The following TJAP1 variants were observed in gnomAD, a reference collection of about 807,000 sequenced individuals.
The protein encoded by TJAP1 is tight junction associated protein 1.
A neutral mutation model predicts 42.0 loss-of-function variants in TJAP1; 27 were observed. The observed-to-expected ratio is 0.64, with a 90% CI of 0.47 to 0.89. The LOEUF (loss-of-function observed/expected upper bound fraction) is 0.89. Among genes scored for constraint, TJAP1 ranks in the 40% least tolerant of loss-of-function variants. TJAP1 has a pLI of 0.00. For synonymous variants in TJAP1, 257 were observed against 288.4 expected (o/e 0.89, Z 1.10); for missense variants, 712 against 726.9 (o/e 0.98, Z 0.24).
intron 5 of TJAP1, 57 bp from the exon 6 acceptor site, chr6:43,501,469 G>C (rs1790501304): frequency 6.6e-7 from 1 of 1,523,998 alleles, no homozygotes; most frequent in African/African-American, 1.4e-5. Flanking sequence ...GGAGCTCCAG[G>C]GCATGCCCTT....
intron 2 of TJAP1, among the ~76,000 whole-genome samples, chr6:43,486,478 C>T (rs1786563955): frequency 6.6e-6 from 1 of 151,706 alleles, no homozygotes; most frequent in African/African-American, 2.4e-5. Context: ...GTCCCAGCCT[C>T]CCGAGTAGCT....
chr6:43,501,378 TAGACTCAGACTA>T, intron 5 of TJAP1, 136 bp from the exon 6 acceptor site: 1 of 714,024 alleles, frequency 1.4e-6, no homozygotes. Context: ...TATGCTGCCT[TAGACTCAGACTA>T]AGACTCCAGG....
At chr6:43,501,739 C>T in intron 6 of TJAP1, 52 bp downstream of exon 6, 1 of 696,246 alleles carries the variant, frequency 1.4e-6, no homozygotes, top group Non-Finnish European at 2.6e-6. Flanking sequence ...CACACACACA[C>T]ACACACACAC....
At chr6:43,479,585 A>C (rs1316635863) in intron 2 of TJAP1, among the ~76,000 whole-genome samples, 1 of 152,078 alleles carries the variant, frequency 6.6e-6, no homozygotes, top group Admixed American at 6.5e-5. Context: ...TGAGGCCAGG[A>C]GTTTGAGGCT....
chr6:43,505,394 A>G lies in TJAP1; in HGVS notation c.1213A>G (p.Ser405Gly). ...ACTCAGTGCCCCAGCTAGCTCTGCC[A>G]GCTCTGAAGAGGACCTGCTGGTCAG... is the stretch of plus-strand genomic sequence containing the variant. The change falls in exon 11 of 11, where the codon AGC (serine) becomes GGC (glycine). Residue 405 changes from serine to glycine, a missense_variant. Around this residue, in one of 3 missense-constraint regions of TJAP1, gnomAD observed 549 missense variants for 528.2 expected, o/e 1.04. Coordinates refer to ENST00000372449, the Ensembl canonical transcript of TJAP1. This position sits in a 1 kb window ranked among gnomAD's most constrained non-coding sequence, Gnocchi z 5.5. 6.2e-7 allele frequency: 1 copy of G among 1,611,766 alleles called. No homozygotes were observed. The highest frequency in any genetic ancestry group is 8.5e-7 in the Non-Finnish European group (1 of 1,179,944).
At chr6:43,502,382 C>T (rs199510169) in intron 7 of TJAP1, 33 bp downstream of exon 7, 4 of 1,609,198 alleles carry the variant, frequency 2.5e-6, no homozygotes, top group African/African-American at 1.3e-5. Flanking sequence ...TTGGTGGGCA[C>T]TGTGCTCATA....
chr6:43,485,243 C>G (rs1046390169), intron 2 of TJAP1, among the ~76,000 whole-genome samples: 5 of 152,222 alleles, frequency 3.3e-5, no homozygotes, highest in African/African-American at 7.2e-5. Flanking sequence ...GGAACACATC[C>G]AGGCATTGAG....
chr6:43,485,108 G>C (rs1176280726), intron 2 of TJAP1, among the ~76,000 whole-genome samples: 1 of 152,226 alleles, frequency 6.6e-6, no homozygotes, highest in Non-Finnish European at 1.5e-5. Flanking sequence ...GTTGGTGGTG[G>C]TGGATTCGTA....
At chr6:43,501,713 C>G (rs758689625) in intron 6 of TJAP1, 26 bp downstream of exon 6, 6 of 131,366 alleles carry the variant, frequency 4.6e-5, no homozygotes, top group African/African-American at 3.0e-4. Flanking sequence ...GCCAGACACA[C>G]ACACACACAC....
chr6:43,503,763 T>C, intron 10 of TJAP1, 57 bp downstream of exon 10: 2 of 1,453,792 alleles, frequency 1.4e-6, no homozygotes, highest in South Asian at 2.3e-5. Context: ...ACTGTAGGAC[T>C]CCTCTAACTC....
chr6:43,505,067 A>T lies in TJAP1; in HGVS notation c.886A>T (p.Thr296Ser), dbSNP rs1394549712. ...CAATGGGGAGTGCCACTCTCTGGGT[A>T]CTGCCAGGGGCTCCCCGGAGGAAGA... The change falls in exon 11 of 11, where the codon ACT becomes TCT. Residue 296 changes from threonine (T) to serine (S), a missense_variant. This residue lies in a region of TJAP1 where 549 missense variants were observed against 528.2 expected (regional missense o/e 1.04). Coordinates refer to ENST00000372449, the Ensembl canonical transcript of TJAP1. The surrounding 1 kb of genome is among the most constrained non-coding windows in gnomAD (Gnocchi z 5.5). 1 of 1,614,060 alleles carries T rather than the reference A, an allele frequency of 6.2e-7. No homozygotes were observed. The highest frequency in any genetic ancestry group is 1.7e-5 in the Admixed American group (1 of 60,022).
In TJAP1 at chr6:43,491,878, AC is replaced by A. The variant is rs1470033484; in HGVS notation, c.-121-5999del. Among the ~76,000 whole-genome samples the A allele has an allele frequency of 6.6e-6, 1 of 152,140 alleles. No homozygotes were observed. The highest frequency in any genetic ancestry group is 6.5e-5 in the Admixed American group (1 of 15,276). ...AGCAGTAATGCAGAGATGTTTAGGG[AC>A]CCCAAATGGGGAGTTAACAAGCTGG... On this transcript the variant is annotated intron_variant, in intron 2 of 10. Coordinates refer to ENST00000372449, the Ensembl canonical transcript of TJAP1. The surrounding 1 kb of genome is among the most constrained non-coding windows in gnomAD (Gnocchi z 4.6).
At chr6:43,503,203 AG>A (rs1258066352) in intron 8 of TJAP1, 197 bp from the exon 9 acceptor site, 1 of 591,060 alleles carries the variant, frequency 1.7e-6, no homozygotes, top group East Asian at 2.8e-5. Context: ...ATGCTAAGAA[AG>A]CCCCCACCCC....
At chr6:43,477,574 C>T (rs1234163242) in exon 1 of TJAP1, 1 of 152,302 alleles carries the variant, frequency 6.6e-6, no homozygotes. Flanking sequence ...CTGGCCACTA[C>T]CCGGCCTGCC....
intron 2 of TJAP1, among the ~76,000 whole-genome samples, chr6:43,479,244 C>T (rs911597706): frequency 1.3e-5 from 2 of 152,278 alleles, no homozygotes; most frequent in Middle Eastern, 3.4e-3. Context: ...ATGGTTTGAT[C>T]TAGAACTCTT....
At chr6:43,502,402 G>A in intron 7 of TJAP1, 53 bp downstream of exon 7, 1 of 1,595,266 alleles carries the variant, frequency 6.3e-7, no homozygotes, top group African/African-American at 1.3e-5. Context: ...AGCATAGCAG[G>A]GGGCCAGGAT....
chr6:43,487,140 A>C (rs55817660), intron 2 of TJAP1, among the ~76,000 whole-genome samples: 1 of 152,056 alleles, frequency 6.6e-6, no homozygotes, highest in South Asian at 2.1e-4. Flanking sequence ...ATCTTGTGCC[A>C]ATTGTGTGCT....
intron 2 of TJAP1, among the ~76,000 whole-genome samples, chr6:43,480,226 C>T (rs755723637): frequency 1.7e-4 from 26 of 152,190 alleles, no homozygotes; most frequent in Non-Finnish European, 3.2e-4. Flanking sequence ...CATGGTTGAA[C>T]CTGCTGTCTC....
rs139693143 is a variant in TJAP1 at position 43,481,819 on chromosome 6, C to T, written c.-122+3587C>T. 7.1e-3 allele frequency among the ~76,000 whole-genome samples: 1,080 copies of T among 152,258 alleles called. 14 individuals are homozygous for T. The highest frequency in any genetic ancestry group is 0.025 in the African/African-American group (1,047 of 41,540). On this transcript the variant is annotated intron_variant, in intron 2 of 10. Coordinates refer to ENST00000372449, the Ensembl canonical transcript of TJAP1. ...TGTATTTAAGACTCACTCTCCTCCT[C>T]CTTCTGAGTCATGTCCTGTCTATTT...
Sources: gnomAD v4.1 joint callset for allele counts (sites outside exome capture counted in the v4.1 genomes callset) on GRCh38, gnomAD v4.1.1 for gene constraint, gnomAD v4.1.1 regional missense constraint, Gnocchi (gnomAD v3.1) non-coding constraint, MANE v1.5 for transcripts, NCBI Gene and HGNC (gene_info 2026-07-23, HGNC 2026-07-21) for gene names.